ADAMTS2: variants seen among roughly 807,000 people sequenced by gnomAD.
The protein encoded by ADAMTS2 is A disintegrin and metalloproteinase with thrombospondin motifs 2.
ADAMTS2 carries 50 observed loss-of-function variants against 123.0 expected under a neutral mutation model. That is an observed-to-expected ratio of 0.41 (90% CI 0.32 to 0.51). The LOEUF is 0.51. ADAMTS2 is among the 20% of genes least tolerant of loss of function. The pLI, the probability that ADAMTS2 is intolerant of heterozygous loss-of-function variation, is 0.35. For missense variants in ADAMTS2, 1,494 were observed against 1,705.2 expected (o/e 0.88, Z 2.18); for synonymous variants, 678 against 695.4 (o/e 0.98, Z 0.39).
At chr5:179,330,110 G>A (rs1385337824) in intron 2 of ADAMTS2, among the ~76,000 whole-genome samples, 2 of 146,784 alleles carry the variant, frequency 1.4e-5, no homozygotes, top group African/African-American at 5.0e-5. Context: ...TCCGGCCTGG[G>A]CGACAGAGCG....
rs1764051921 is a variant in ADAMTS2 at position 179,181,682 on chromosome 5, C to CG, written c.892-528_892-527insC. 6.6e-6 allele frequency among the ~76,000 whole-genome samples: 1 copy of CG among 152,240 alleles called. No homozygotes were observed. The highest frequency in any genetic ancestry group is 1.5e-5 in the Non-Finnish European group (1 of 68,036). ...ACGTGTTAATAAAAAGCTCATATTA[C>CG]TGCATCCCCAATGTGCTCTCCCTGT... On this transcript the variant is annotated intron_variant, in intron 4 of 21. Coordinates refer to ENST00000251582, the MANE Select transcript of ADAMTS2 (RefSeq NM_014244.5). This position sits in a 1 kb window ranked among gnomAD's most constrained non-coding sequence, Gnocchi z 4.1.
At chr5:179,284,687 A>G (rs541142409) in intron 2 of ADAMTS2, among the ~76,000 whole-genome samples, 1 of 152,284 alleles carries the variant, frequency 6.6e-6, no homozygotes, top group East Asian at 1.9e-4. Flanking sequence ...GTTCCCAGCC[A>G]GTCAGATTAT....
At chr5:179,338,828 A>G (rs1581293299) in intron 2 of ADAMTS2, among the ~76,000 whole-genome samples, 1 of 152,130 alleles carries the variant, frequency 6.6e-6, no homozygotes, top group East Asian at 1.9e-4. Context: ...GGGGTACAAG[A>G]GCAGAAAGCA....
intron 3 of ADAMTS2, among the ~76,000 whole-genome samples, chr5:179,232,771 CACAAT>C (rs943353899): frequency 4.9e-5 from 7 of 143,512 alleles, no homozygotes; most frequent in Admixed American, 4.1e-4. Flanking sequence ...CCACTGCCAG[CACAAT>C]ACCTTTTTTT....
chr5:179,161,797 C>T (rs1763597560), intron 5 of ADAMTS2, among the ~76,000 whole-genome samples: 1 of 152,186 alleles, frequency 6.6e-6, no homozygotes, highest in Non-Finnish European at 1.5e-5. Flanking sequence ...CACCCTACCC[C>T]AGAAATATGT....
intron 4 of ADAMTS2, among the ~76,000 whole-genome samples, chr5:179,194,335 C>T (rs926412992): frequency 1.3e-5 from 2 of 152,218 alleles, no homozygotes; most frequent in Non-Finnish European, 2.9e-5. Flanking sequence ...GGAACATGTG[C>T]TCCCTGCGGT....
intron 3 of ADAMTS2, among the ~76,000 whole-genome samples, chr5:179,210,669 C>T (rs1045610455): frequency 1.3e-5 from 2 of 152,208 alleles, no homozygotes; most frequent in South Asian, 2.1e-4. Context: ...CTCAGTGGTG[C>T]TCAGGCTGGA....
At chr5:179,330,595 C>T (rs1757455429) in intron 2 of ADAMTS2, among the ~76,000 whole-genome samples, 1 of 152,102 alleles carries the variant, frequency 6.6e-6, no homozygotes, top group African/African-American at 2.4e-5. Context: ...TTTCCCCTCC[C>T]CCAGTGCCCG....
At chr5:179,266,263 A>G (rs1364506377) in intron 3 of ADAMTS2, among the ~76,000 whole-genome samples, 1 of 152,214 alleles carries the variant, frequency 6.6e-6, no homozygotes, top group Non-Finnish European at 1.5e-5. Flanking sequence ...ACTCGTGAGC[A>G]TTACCTTATA....
chr5:179,205,515 G>A (rs1764660185), intron 4 of ADAMTS2, among the ~76,000 whole-genome samples: 1 of 152,220 alleles, frequency 6.6e-6, no homozygotes, highest in African/African-American at 2.4e-5. Context: ...CCTGGAAAAG[G>A]CGAGGCCTGG....
In ADAMTS2 at chr5:179,155,135, C is replaced by T. The variant is rs1012830476; in HGVS notation, c.1133-216G>A. 3.3e-5 allele frequency among the ~76,000 whole-genome samples: 5 copies of T among 152,258 alleles called. No homozygotes were observed. Among genetic ancestry groups the T allele is most frequent in the African/African-American group, 9.6e-5 (4 of 41,472 alleles). On this transcript the variant is annotated intron_variant, in intron 6 of 21. Transcript: ENST00000251582. This position sits in a 1 kb window ranked among gnomAD's most constrained non-coding sequence, Gnocchi z 5.1. Reference sequence around the variant, plus strand: ...AGCAGGCCCCCAGCCCGTCACCACACAAGCCCCGTGGCCGTTCTGCCTGTA... The same window carrying T: ...AGCAGGCCCCCAGCCCGTCACCACATAAGCCCCGTGGCCGTTCTGCCTGTA...
chr5:179,127,171 C>T (rs145574330), intron 17 of ADAMTS2, among the ~76,000 whole-genome samples: 291 of 152,258 alleles, frequency 1.9e-3, no homozygotes, highest in Middle Eastern at 3.4e-3. Context: ...GTGCCAGGAC[C>T]GGGGAATGGC....
At chr5:179,268,145 C>A (rs1243285744) in intron 3 of ADAMTS2, among the ~76,000 whole-genome samples, 1 of 134,910 alleles carries the variant, frequency 7.4e-6, no homozygotes, top group East Asian at 3.0e-4. Context: ...TGCACCAGAC[C>A]CAACTTCTAC....
chr5:179,281,922 T>A (rs535456618), intron 2 of ADAMTS2, among the ~76,000 whole-genome samples: 1 of 152,266 alleles, frequency 6.6e-6, no homozygotes, highest in Non-Finnish European at 1.5e-5. Context: ...CATCTTTTCA[T>A]GAGCTTATAG....
chr5:179,253,310 T>C (rs533261640), intron 3 of ADAMTS2, among the ~76,000 whole-genome samples: 2 of 152,320 alleles, frequency 1.3e-5, no homozygotes, highest in African/African-American at 2.4e-5. Context: ...TTGTCTTGGT[T>C]TTTCTGTCCT....
intron 2 of ADAMTS2, among the ~76,000 whole-genome samples, chr5:179,336,649 C>T (rs559842896): frequency 1.5e-4 from 23 of 152,346 alleles, no homozygotes; most frequent in Middle Eastern, 3.4e-3. Flanking sequence ...GACACGGCCA[C>T]CGCTTTCTCA....
Position 179,170,046 on chromosome 5 carries a change from T to A in ADAMTS2, c.975+11026A>T, listed in dbSNP as rs1581166346. ...AAGCCAGTTGCTATGCAACCTCAAGTGTTGCCGATGCTCTGCTCCCTGGCT... is the reference window on the plus strand; with the variant it reads ...AAGCCAGTTGCTATGCAACCTCAAGAGTTGCCGATGCTCTGCTCCCTGGCT... On this transcript the variant is annotated intron_variant, in intron 5 of 21. Transcript: ENST00000251582. The surrounding 1 kb of genome is among the most constrained non-coding windows in gnomAD (Gnocchi z 4.3). 6.6e-6 allele frequency among the ~76,000 whole-genome samples: 1 copy of A among 152,336 alleles called. No homozygotes were observed. Among genetic ancestry groups the A allele is most frequent in the East Asian group, 1.9e-4 (1 of 5,186 alleles).
In ADAMTS2 at chr5:179,158,897, G is replaced by T; in HGVS notation, c.976-18C>A. Reference sequence around the variant, plus strand: ...CTCATGGACTGCAGGGGGATGGAGAGAAATGGAAGAGAGAGGTTGGCGCCT... The same window carrying T: ...CTCATGGACTGCAGGGGGATGGAGATAAATGGAAGAGAGAGGTTGGCGCCT... On this transcript the variant is annotated intron_variant, in intron 5 of 21. Coordinates refer to ENST00000251582, the MANE Select transcript of ADAMTS2 (RefSeq NM_014244.5). This position sits in a 1 kb window ranked among gnomAD's most constrained non-coding sequence, Gnocchi z 5.0. 1 of 1,613,316 alleles carries T rather than the reference G, an allele frequency of 6.2e-7. No homozygotes were observed. The highest frequency in any genetic ancestry group is 8.5e-7 in the Non-Finnish European group (1 of 1,179,790).
At chr5:179,227,526 G>A (rs189694004) in intron 3 of ADAMTS2, among the ~76,000 whole-genome samples, 188 of 152,272 alleles carry the variant, frequency 1.2e-3, no homozygotes, top group African/African-American at 4.2e-3. Context: ...TGGGCTGCAG[G>A]GCCCCCAGCT....
Sources: gnomAD v4.1 joint callset for allele counts (sites outside exome capture counted in the v4.1 genomes callset) on GRCh38, gnomAD v4.1.1 for gene constraint, Gnocchi (gnomAD v3.1) non-coding constraint, MANE v1.5 for transcripts, NCBI Gene and HGNC (gene_info 2026-07-23, HGNC 2026-07-21) for gene names.